NEK6: variants seen among roughly 807,000 people sequenced by gnomAD.
The protein encoded by NEK6 is serine/threonine-protein kinase Nek6.
In NEK6, 27 loss-of-function variants were observed where a neutral mutation model predicts 43.5. The observed-to-expected ratio is 0.62, with a 90% CI of 0.46 to 0.86. NEK6 has a LOEUF of 0.86. Ranked by LOEUF, NEK6 falls within the 40% of genes least tolerant of loss-of-function variation. The pLI, the probability that NEK6 is intolerant of heterozygous loss-of-function variation, is 0.00. For missense variants in NEK6, 318 were observed against 414.4 expected, an observed-to-expected ratio of 0.77 and a Z score of 2.02; for synonymous variants, 167 against 164.1, an observed-to-expected ratio of 1.02 and a Z score of -0.14.
chr9:124,301,565 G>A (rs1346165378), intron 1 of NEK6, among the ~76,000 whole-genome samples: 1 of 152,126 alleles, frequency 6.6e-6, no homozygotes, highest in Non-Finnish European at 1.5e-5. Context: ...GGGGGATAGG[G>A]GTACAGAACT....
intron 5 of NEK6, among the ~76,000 whole-genome samples, chr9:124,321,853 T>C (rs2274783): frequency 0.51 from 78,132 of 152,040 alleles, 20,482 homozygotes; most frequent in East Asian, 0.67. Context: ...GCGAAGGTGG[T>C]GCCAAGACAG....
intron 1 of NEK6, chr9:124,291,903 G>A: frequency 6.1e-6 from 6 of 985,644 alleles, no homozygotes; most frequent in Non-Finnish European, 7.2e-6. Context: ...GTTTCCTTTT[G>A]GCGGTGTCTG....
intron 1 of NEK6, among the ~76,000 whole-genome samples, chr9:124,299,398 C>T (rs1235123680): frequency 1.3e-5 from 2 of 152,204 alleles, no homozygotes; most frequent in Non-Finnish European, 1.5e-5. Flanking sequence ...CAAATTCATG[C>T]GCATTTTACA....
chr9:124,281,794 C>T (rs1641403134), intron 1 of NEK6, among the ~76,000 whole-genome samples: 1 of 152,190 alleles, frequency 6.6e-6, no homozygotes, highest in African/African-American at 2.4e-5. Flanking sequence ...CCACCACACC[C>T]GGCCTGTCCT....
chr9:124,280,258 GA>G (rs1831836894), intron 1 of NEK6, among the ~76,000 whole-genome samples: 1 of 152,254 alleles, frequency 6.6e-6, no homozygotes, highest in Non-Finnish European at 1.5e-5. Flanking sequence ...ATTTAGCCCA[GA>G]AAAGAGTGTG....
rs1219030752 is a variant in NEK6 at position 124,343,636 on chromosome 9, GGCCTCCCGCAGTCACGCCCGGA to G, written c.717+3981_717+4002del. On this transcript the variant is annotated intron_variant, in intron 8 of 9. Transcript: ENST00000320246. This position sits in a 1 kb window ranked among gnomAD's most constrained non-coding sequence, Gnocchi z 5.1. Reference sequence around the variant, plus strand: ...GCCCACGGCCATGTAATTGGAAAGAGGCCTCCCGCAGTCACGCCCGGAGCCTCCCGCCCCACAGCCTGTGGTG... The same window carrying G: ...GCCCACGGCCATGTAATTGGAAAGAGGCCTCCCGCCCCACAGCCTGTGGTG... Among the ~76,000 whole-genome samples, 11 of 152,302 alleles carry G rather than the reference GGCCTCCCGCAGTCACGCCCGGA, an allele frequency of 7.2e-5. No homozygotes were observed. The South Asian group carries it at 2.1e-3, about 29-fold the overall frequency.
intron 9 of NEK6, among the ~76,000 whole-genome samples, chr9:124,349,137 G>C (rs1052428140): frequency 6.6e-6 from 1 of 152,248 alleles, no homozygotes; most frequent in African/African-American, 2.4e-5. Flanking sequence ...CAGGGCTAGA[G>C]GAGCTCGAGT....
chr9:124,272,252 C>T (rs1421694693), intron 1 of NEK6, among the ~76,000 whole-genome samples: 1 of 152,244 alleles, frequency 6.6e-6, no homozygotes, highest in East Asian at 1.9e-4. Context: ...GCTGCCCTCC[C>T]TAAGGAATTC....
chr9:124,332,742 C>T (rs910187984), intron 7 of NEK6, among the ~76,000 whole-genome samples: 6 of 152,078 alleles, frequency 3.9e-5, no homozygotes, highest in East Asian at 3.9e-4. Context: ...TTGACAGGAC[C>T]GGCGCATCTT....
chr9:124,257,773 G>T, upstream of NEK6: 1 of 1,479,752 alleles, frequency 6.8e-7, no homozygotes, highest in Non-Finnish European at 9.0e-7. Context: ...GGGGTTCCTC[G>T]GCCGAGCGGA....
intron 1 of NEK6, among the ~76,000 whole-genome samples, chr9:124,284,159 G>A (rs1832047254): frequency 6.6e-6 from 1 of 152,192 alleles, no homozygotes; most frequent in Non-Finnish European, 1.5e-5. Flanking sequence ...GACCAGCCTG[G>A]CCAACATGTT....
chr9:124,340,720 C>T (rs1192984181), intron 8 of NEK6, among the ~76,000 whole-genome samples: 2 of 152,216 alleles, frequency 1.3e-5, no homozygotes, highest in East Asian at 1.9e-4. Context: ...GTCTCAGCTG[C>T]TGTGGCCGGT....
At chr9:124,347,688 C>A in intron 8 of NEK6, 21 bp from the exon 9 acceptor site, 1 of 1,487,894 alleles carries the variant, frequency 6.7e-7, no homozygotes, top group Non-Finnish European at 9.2e-7. Flanking sequence ...AGCTTATCTT[C>A]GTTGTTCCCG....
chr9:124,349,605 T>C (rs1419411274), intron 9 of NEK6, among the ~76,000 whole-genome samples: 2 of 152,244 alleles, frequency 1.3e-5, no homozygotes, highest in East Asian at 3.8e-4. Flanking sequence ...GACACTTTTA[T>C]TATTTTTCTC....
chr9:124,347,732 C>T lies in NEK6; in HGVS notation c.741C>T (p.Phe247=), dbSNP rs142081750. ...LYEMAALQSP[F]YGDKMNLFSL... The stretch of plus-strand genomic sequence containing the variant: ...AGATGGCAGCCCTCCAGAGCCCCTT[C>T]TATGGAGATAAGATGAATCTCTTCT... The change falls in exon 9 of 10, where the codon TTC becomes TTT. Residue 247 remains phenylalanine, a synonymous_variant. Transcript: ENST00000320246. 187 of 1,611,572 alleles carry T rather than the reference C, an allele frequency of 1.2e-4. No individual in the cohort carries two copies. The highest frequency in any genetic ancestry group is 1.3e-4 in the Non-Finnish European group (149 of 1,178,682).
intron 5 of NEK6, among the ~76,000 whole-genome samples, chr9:124,325,461 C>T (rs10818943): frequency 0.32 from 48,274 of 152,134 alleles, 7,782 homozygotes; most frequent in South Asian, 0.34. Flanking sequence ...AGGCCCACAG[C>T]GCCGCCTCTG....
chr9:124,320,524 C>A (rs1427683228), intron 4 of NEK6, among the ~76,000 whole-genome samples: 3 of 152,218 alleles, frequency 2.0e-5, no homozygotes, highest in African/African-American at 7.2e-5. Context: ...CTGGACTAGG[C>A]TGACCACACC....
At chr9:124,258,294 G>A in intron 1 of NEK6, 1 of 985,268 alleles carries the variant, frequency 1.0e-6, no homozygotes, top group African/African-American at 1.7e-5. Context: ...GTGTCCGCGT[G>A]TCCCGGGGTG....
At position 124,339,727 on chromosome 9, in the gene NEK6, G is replaced by C; in HGVS notation, c.717+62G>C. ...GACATGCATGGGGGGTGCCCAGTTA[G>C]GACAGGGCTCACCCTACCAGCTCAG... is the stretch of plus-strand genomic sequence containing the variant. On this transcript the variant is annotated intron_variant, in intron 8 of 9. Coordinates refer to ENST00000320246, the MANE Select transcript of NEK6 (RefSeq NM_014397.6). 6 of 1,219,666 alleles carry C rather than the reference G, an allele frequency of 4.9e-6. No individual in the cohort carries two copies. In the South Asian group the frequency reaches 6.1e-5, roughly 12 times the overall value. The allele number at this position is 1,219,666 out of a possible 1,614,324, so 75.6% of individuals were successfully genotyped here.
Sources: gnomAD v4.1 joint callset for allele counts (sites outside exome capture counted in the v4.1 genomes callset) on GRCh38, gnomAD v4.1.1 for gene constraint, Gnocchi (gnomAD v3.1) non-coding constraint, MANE v1.5 for transcripts, NCBI Gene and HGNC (gene_info 2026-07-23, HGNC 2026-07-21) for gene names.